The following PLXNA2 variants were observed in gnomAD, a reference collection of about 807,000 sequenced individuals.
PLXNA2 encodes plexin-A2.
A neutral mutation model predicts 193.5 loss-of-function variants in PLXNA2; 91 were observed. The ratio of observed to expected loss-of-function variants is 0.47; its 90% CI spans 0.40 to 0.56. The LOEUF is 0.56. Among genes scored for constraint, PLXNA2 ranks in the 20% least tolerant of loss-of-function variants. The pLI, the probability that PLXNA2 is intolerant of heterozygous loss-of-function variation, is 0.00. For missense variants in PLXNA2, 1,995 were observed against 2,503.2 expected, an observed-to-expected ratio of 0.80 and a Z score of 4.33; for synonymous variants, 997 against 1,027.3, an observed-to-expected ratio of 0.97 and a Z score of 0.56.
At chr1:208,177,313 T>C (rs553976821) in intron 3 of PLXNA2, among the ~76,000 whole-genome samples, 2 of 152,192 alleles carry the variant, frequency 1.3e-5, no homozygotes, top group South Asian at 2.1e-4. Context: ...GAGGACTGAT[T>C]AGCAAAACAA....
Position 208,176,468 on chromosome 1 carries a change from A to G in PLXNA2, c.1371+33812T>C, listed in dbSNP as rs1669663853. On this transcript the variant is annotated intron_variant, in intron 3 of 31. Coordinates refer to ENST00000367033, the MANE Select transcript of PLXNA2 (RefSeq NM_025179.4). ...GAATAAGATGCAAAATTAATGAATT[A>G]CAGGGTCAGAGTTAGGTAGGTACAG... is the stretch of plus-strand genomic sequence containing the variant. 2.0e-5 allele frequency among the ~76,000 whole-genome samples: 3 copies of G among 152,240 alleles called. No homozygotes were observed. In the South Asian group the frequency reaches 6.2e-4, roughly 31 times the overall value.
At chr1:208,205,920 C>A (rs1285103930) in intron 3 of PLXNA2, among the ~76,000 whole-genome samples, 3 of 152,152 alleles carry the variant, frequency 2.0e-5, no homozygotes, top group African/African-American at 7.2e-5. Flanking sequence ...ATTGTAAAAC[C>A]AGGTAATCAC....
rs541776562 is a variant in PLXNA2, at chr1:208,065,296, G to C, written c.2587-4459C>G. Among the ~76,000 whole-genome samples the C allele has an allele frequency of 1.4e-4, 21 of 152,322 alleles. 1 individual carries two copies. Among genetic ancestry groups the C allele is most frequent in the African/African-American group, 4.3e-4 (18 of 41,568 alleles). ...TAGGGAAGAAAGACCATCTGATGCTGGGACAGTGTCTGCAGAAGGAAGAGA... is the reference window on the plus strand; with the variant it reads ...TAGGGAAGAAAGACCATCTGATGCTCGGACAGTGTCTGCAGAAGGAAGAGA... On this transcript the variant is annotated intron_variant, in intron 12 of 31. Coordinates refer to ENST00000367033, the MANE Select transcript of PLXNA2 (RefSeq NM_025179.4).
intron 1 of PLXNA2, among the ~76,000 whole-genome samples, chr1:208,228,584 A>G (rs1177248582): frequency 6.6e-6 from 1 of 152,150 alleles, no homozygotes; most frequent in Non-Finnish European, 1.5e-5. Context: ...CTGAAGTGTG[A>G]AATTCACCTA....
chr1:208,240,143 T>C (rs1168562460), intron 1 of PLXNA2, among the ~76,000 whole-genome samples: 1 of 152,226 alleles, frequency 6.6e-6, no homozygotes, highest in African/African-American at 2.4e-5. Flanking sequence ...CCTTACACTC[T>C]TACCCCGCAA....
At chr1:208,205,729 C>G (rs1670697447) in intron 3 of PLXNA2, among the ~76,000 whole-genome samples, 1 of 152,156 alleles carries the variant, frequency 6.6e-6, no homozygotes. Context: ...TGACTAGGAC[C>G]TCATTCCTTC....
intron 3 of PLXNA2, among the ~76,000 whole-genome samples, chr1:208,190,906 TAC>T (rs759304861): frequency 7.2e-5 from 11 of 152,106 alleles, no homozygotes; most frequent in Non-Finnish European, 8.8e-5. Context: ...GTGGCAGGAG[TAC>T]AGTCTACTCA....
intron 5 of PLXNA2, among the ~76,000 whole-genome samples, chr1:208,099,331 G>A (rs987642545): frequency 5.3e-5 from 8 of 152,210 alleles, no homozygotes; most frequent in Non-Finnish European, 1.0e-4. Flanking sequence ...TCCACAGTGC[G>A]GGAGCGGGCC....
chr1:208,098,458 T>TCTCACACA (rs368366958), intron 6 of PLXNA2, among the ~76,000 whole-genome samples: 91 of 123,522 alleles, frequency 7.4e-4, no homozygotes, highest in Middle Eastern at 4.5e-3. Context: ...TCTCTCTCTC[T>TCTCACACA]CACACACACA....
chr1:208,037,018 C>T (rs1428174271), intron 26 of PLXNA2, among the ~76,000 whole-genome samples: 1 of 152,172 alleles, frequency 6.6e-6, no homozygotes, highest in African/African-American at 2.4e-5. Flanking sequence ...ATACATTAAG[C>T]ACCATATGAA....
At position 208,023,816 on chromosome 1, in the gene PLXNA2, C is replaced by CAG. The variant is rs1664259562; in HGVS notation, c.*3425_*3426dup. 6.6e-6 allele frequency: 1 copy of CAG among 152,278 alleles called. No individual in the cohort carries two copies. Among genetic ancestry groups the CAG allele is most frequent in the African/African-American group, 2.4e-5 (1 of 41,460 alleles). 9.4% of individuals were successfully genotyped at this position (152,278 alleles called of 1,614,324 possible). A position where few individuals can be genotyped will look rare whatever the true frequency, so the allele number is the denominator to read the frequency against. ...TTCCCATCTCTAGAGCAGTGGCTGG[C>CAG]AGACAGTGGCTACTCAAGAAGGTTC... On this transcript the variant is annotated 3_prime_UTR_variant, in exon 32 of 32. Coordinates refer to ENST00000367033, the MANE Select transcript of PLXNA2 (RefSeq NM_025179.4).
Position 208,030,961 on chromosome 1 carries a change from A to T in PLXNA2, c.5225+629T>A, listed in dbSNP as rs114658201. ...CTGGTCTGGTTGCAGAGATGACTTT[A>T]GGGGAGAGAGTCATGCCTGCAGGGC... On this transcript the variant is annotated intron_variant, in intron 29 of 31. Transcript: ENST00000367033. 137 of 987,346 alleles carry T rather than the reference A, an allele frequency of 1.4e-4. No individual in the cohort carries two copies. The African/African-American group carries it at 2.3e-3, about 16-fold the overall frequency. The allele number at this position is 987,346 out of a possible 1,614,324, so 61.2% of individuals were successfully genotyped here. A position where few individuals can be genotyped will look rare whatever the true frequency, so the allele number is the denominator to read the frequency against.
At chr1:208,219,183 T>A (rs1671240345) in intron 1 of PLXNA2, among the ~76,000 whole-genome samples, 1 of 152,204 alleles carries the variant, frequency 6.6e-6, no homozygotes, top group South Asian at 2.1e-4. Flanking sequence ...GCCTTGGTGC[T>A]TATTCTTCCC....
intron 3 of PLXNA2, among the ~76,000 whole-genome samples, chr1:208,185,240 T>C (rs1669958468): frequency 6.6e-6 from 1 of 152,178 alleles, no homozygotes; most frequent in Admixed American, 6.5e-5. Flanking sequence ...AGGTGGGGCC[T>C]CTCAGGATTA....
At position 208,038,586 on chromosome 1, in the gene PLXNA2, G is replaced by A; in HGVS notation, c.4661-112C>T. On this transcript the variant is annotated intron_variant, in intron 25 of 31. Transcript: ENST00000367033. The surrounding 1 kb of genome is among the most constrained non-coding windows in gnomAD (Gnocchi z 4.1). ...CTGGCAACCCGGCCCCCTCAAGCTG[G>A]TACCAATAACAGAGGCTAGAGACAT... The A allele has an allele frequency of 6.6e-6, 6 of 905,846 alleles. No individual in the cohort carries two copies. Among genetic ancestry groups the A allele is most frequent in the South Asian group, 4.3e-5 (3 of 70,060 alleles). 56.1% of individuals were successfully genotyped at this position (905,846 alleles called of 1,614,324 possible).
At chr1:208,132,074 C>T (rs1283596828) in intron 4 of PLXNA2, among the ~76,000 whole-genome samples, 7 of 152,172 alleles carry the variant, frequency 4.6e-5, no homozygotes, top group Non-Finnish European at 8.8e-5. Context: ...GGAGAAACTC[C>T]GCGGTAACTT....
At chr1:208,052,594 CTAAATGCTCTCTCTGCTT>C in intron 14 of PLXNA2, 131 bp from the exon 15 acceptor site, 1 of 812,042 alleles carries the variant, frequency 1.2e-6, no homozygotes, top group South Asian at 1.8e-5. Flanking sequence ...CTTTTCAATC[CTAAATGCTCTCTCTGCTT>C]ACCCCAGAGG....
At chr1:208,196,539 T>C (rs1163486003) in intron 3 of PLXNA2, among the ~76,000 whole-genome samples, 2 of 152,196 alleles carry the variant, frequency 1.3e-5, no homozygotes, top group Non-Finnish European at 2.9e-5. Flanking sequence ...ATGCTCTTGC[T>C]CCTTTCTCCC....
chr1:208,053,169 T>C (rs1665319271), intron 14 of PLXNA2, among the ~76,000 whole-genome samples: 1 of 151,980 alleles, frequency 6.6e-6, no homozygotes, highest in Non-Finnish European at 1.5e-5. Context: ...TGGAGTGGAG[T>C]GAATTGGAAA....
Sources: allele counts gnomAD v4.1 joint callset (sites outside exome capture counted in the v4.1 genomes callset), GRCh38; gene constraint gnomAD v4.1.1; non-coding constraint Gnocchi (gnomAD v3.1); transcripts MANE v1.5; gene names NCBI Gene and HGNC (gene_info 2026-07-23, HGNC 2026-07-21).